LIPE: variants seen among roughly 807,000 people sequenced by gnomAD.
The protein encoded by LIPE is hormone-sensitive lipase.
LIPE carries 66 observed loss-of-function variants against 88.5 expected under a neutral mutation model. The observed-to-expected ratio is 0.75, with a 90% confidence interval of 0.61 to 0.91. The LOEUF is 0.91. Ranked by LOEUF, LIPE falls within the 40% of genes least tolerant of loss-of-function variation. The probability of loss-of-function intolerance (pLI) is 0.00; values close to 1 mark genes in which losing one functional copy is unlikely to be tolerated. For missense variants in LIPE, 1,346 were observed against 1,434.7 expected (o/e 0.94, Z 1.00); for synonymous variants, 570 against 617.5 (o/e 0.92, Z 1.14).
intron 1 of LIPE, among the ~76,000 whole-genome samples, chr19:42,412,087 T>C (rs910674480): frequency 6.6e-6 from 1 of 152,192 alleles, no homozygotes; most frequent in African/African-American, 2.4e-5. Context: ...ATCTCAAAAC[T>C]TGCCCTGGAC....
intron 2 of LIPE, among the ~76,000 whole-genome samples, chr19:42,409,885 G>A (rs960781405): frequency 1.3e-5 from 2 of 152,148 alleles, no homozygotes; most frequent in African/African-American, 4.8e-5. Flanking sequence ...CTGGAGATGT[G>A]GGGTGGGAGG....
intron 8 of LIPE, among the ~76,000 whole-genome samples, chr19:42,403,321 C>T (rs915785590): frequency 4.0e-5 from 6 of 150,388 alleles, no homozygotes; most frequent in African/African-American, 1.5e-4. Flanking sequence ...CAGTTTACCT[C>T]TAGGAACCTA....
Position 42,410,432 on chromosome 19 carries a change from G to C in LIPE, c.1294C>G (p.Leu432Val), listed in dbSNP as rs745520891. 6.2e-7 allele frequency: 1 copy of C among 1,614,188 alleles called. No homozygotes were observed. Among genetic ancestry groups the C allele is most frequent in the Admixed American group, 1.7e-5 (1 of 60,036 alleles). Residue 432 changes from leucine to valine, a missense_variant, in exon 2 of 10, where the codon CTG becomes GTG. By Grantham distance (32) the Leu-to-Val change is conservative (BLOSUM62 1). Coordinates refer to ENST00000244289, the MANE Select transcript of LIPE (RefSeq NM_005357.4). This position sits in a 1 kb window ranked among gnomAD's most constrained non-coding sequence, Gnocchi z 6.1. ...LRALVYYAQR[L>V]LVTNRPGVLF... ...ACCCCCGGCCGATTGGTAACCAGCA[G>C]GCGCTGGGCGTAGTAGACCAGAGCG...
In LIPE at chr19:42,412,518, C is replaced by T. The variant is rs2040404119; in HGVS notation, c.884-1676G>A. Reference sequence around the variant, plus strand: ...TCCCACCCAGAAAGATCAGTGAGGACCACGTGCTGTAAACAGAGTAGAGGG... The same window carrying T: ...TCCCACCCAGAAAGATCAGTGAGGATCACGTGCTGTAAACAGAGTAGAGGG... On this transcript the variant is annotated intron_variant, in intron 1 of 9. Coordinates refer to ENST00000244289, the MANE Select transcript of LIPE (RefSeq NM_005357.4). 4.1e-6 allele frequency: 4 copies of T among 985,842 alleles called. No homozygotes were observed. The African/African-American group carries it at 5.2e-5, about 13-fold the overall frequency. The allele number at this position is 985,842 out of a possible 1,614,324, so 61.1% of individuals were successfully genotyped here.
rs756769984 is a variant in LIPE, at chr19:42,426,306, T to G, written c.844A>C (p.Lys282Gln). The stretch of plus-strand genomic sequence containing the variant: ...TGTCTGTGATTCCGAGCACTGGTTT[T>G]CTCATGTGGCGACGTCCCACTGTAT... ...SGYSGTSPHE[K>Q]TSARNHRHYQ... The change falls in exon 1 of 10, where the codon AAA (lysine) becomes CAA (glutamine). Residue 282 changes from lysine to glutamine, a missense_variant. Lys to Gln is a moderately conservative substitution (Grantham distance 53). Coordinates refer to ENST00000244289, the MANE Select transcript of LIPE (RefSeq NM_005357.4). 19 of 1,606,544 alleles carry G rather than the reference T, an allele frequency of 1.2e-5. No homozygotes were observed. The highest frequency in any genetic ancestry group is 1.6e-5 in the Non-Finnish European group (19 of 1,173,566).
At chr19:42,420,405 C>A (rs1269428998) in intron 1 of LIPE, among the ~76,000 whole-genome samples, 1 of 152,094 alleles carries the variant, frequency 6.6e-6, no homozygotes, top group African/African-American at 2.4e-5. Context: ...TGTTTGTATG[C>A]CTGTGAATGT....
chr19:42,409,266 T>C lies in LIPE; in HGVS notation c.1420-944A>G, dbSNP rs571454832. Among the ~76,000 whole-genome samples the C allele has an allele frequency of 4.6e-5, 7 of 151,988 alleles. No homozygotes were observed. In the South Asian group the frequency reaches 8.3e-4, roughly 18 times the overall value. On this transcript the variant is annotated intron_variant, in intron 2 of 9. Transcript: ENST00000244289. Reference sequence around the variant, plus strand: ...CAGACAGGCAGTTAAGGAAAGACAGTGGGGTCCAGGTGCAGTGGCTCATGC... The same window carrying C: ...CAGACAGGCAGTTAAGGAAAGACAGCGGGGTCCAGGTGCAGTGGCTCATGC...
rs2039984248 is a variant in LIPE at position 42,401,907 on chromosome 19, G to A, written c.3136C>T (p.Arg1046Cys). 7.1e-6 allele frequency: 11 copies of A among 1,549,452 alleles called. No homozygotes were observed. Among genetic ancestry groups the A allele is most frequent in the Non-Finnish European group, 8.7e-6 (10 of 1,153,364 alleles). ...TRQAAELCVE[R>C]IRLVLTPPAG... is the part of the protein sequence containing the mutation. ...GGAGGAGTGAGGACGAGGCGGATGCGCTCCACGCACAGCTCTGCGGCCTGG... is the reference window on the plus strand; with the variant it reads ...GGAGGAGTGAGGACGAGGCGGATGCACTCCACGCACAGCTCTGCGGCCTGG... Residue 1046 changes from arginine to cysteine, a missense_variant, in exon 10 of 10, where the codon CGC (arginine) becomes TGC (cysteine). Transcript: ENST00000244289.
chr19:42,424,112 C>T, intron 1 of LIPE: 1 of 1,191,014 alleles, frequency 8.4e-7, no homozygotes, highest in South Asian at 1.5e-5. Context: ...CCCCGCTTTC[C>T]CTCTCCTGTC....
rs959139693 is a variant in LIPE at position 42,408,441 on chromosome 19, C to T, written c.1420-119G>A. On this transcript the variant is annotated intron_variant, in intron 2 of 9. Coordinates refer to ENST00000244289, the MANE Select transcript of LIPE (RefSeq NM_005357.4). This position sits in a 1 kb window ranked among gnomAD's most constrained non-coding sequence, Gnocchi z 4.3. Reference sequence around the variant, plus strand: ...CATTCAGTAAACGTTTCATGAGCTCCTACTGTGTGCTGGGCATAGCTCTCG... The same window carrying T: ...CATTCAGTAAACGTTTCATGAGCTCTTACTGTGTGCTGGGCATAGCTCTCG... The T allele has an allele frequency of 3.8e-6, 3 of 795,614 alleles. No individual in the cohort carries two copies. Among genetic ancestry groups the T allele is most frequent in the Admixed American group, 1.9e-5 (1 of 52,746 alleles). 49.3% of individuals were successfully genotyped at this position (795,614 alleles called of 1,614,324 possible).
At chr19:42,424,289 C>T (rs1249984086) in intron 1 of LIPE, 3 of 467,720 alleles carry the variant, frequency 6.4e-6, no homozygotes, top group Admixed American at 4.7e-5. Context: ...GTAGAGGGAA[C>T]GACGCATGCT....
chr19:42,423,640 TC>T, intron 1 of LIPE: 1 of 1,169,172 alleles, frequency 8.6e-7, no homozygotes, highest in Non-Finnish European at 1.1e-6. Flanking sequence ...TATTACCCAA[TC>T]CCGAGCTTGC....
chr19:42,406,464 A>C lies in LIPE; in HGVS notation c.2138-76T>G, dbSNP rs371296752. 20 of 1,310,680 alleles carry C rather than the reference A, an allele frequency of 1.5e-5. No individual in the cohort carries two copies. The African/African-American group carries it at 2.2e-4, about 14-fold the overall frequency. 81.2% of individuals were successfully genotyped at this position (1,310,680 alleles called of 1,614,324 possible). ...GGGGAGGAGGGCAGGGAGGAACTCA[A>C]GCTGGGAGAACTGGGCTCTCCAAGG... On this transcript the variant is annotated intron_variant, in intron 6 of 9. Transcript: ENST00000244289. The surrounding 1 kb of genome is among the most constrained non-coding windows in gnomAD (Gnocchi z 5.7).
At chr19:42,419,380 C>G (rs1335635458) in intron 1 of LIPE, among the ~76,000 whole-genome samples, 1 of 152,216 alleles carries the variant, frequency 6.6e-6, no homozygotes, top group Admixed American at 6.5e-5. Flanking sequence ...GACCCAGGCC[C>G]TAGGGACTCC....
intron 1 of LIPE, among the ~76,000 whole-genome samples, chr19:42,415,852 A>G (rs994381561): frequency 6.6e-6 from 1 of 151,500 alleles, no homozygotes; most frequent in African/African-American, 2.4e-5. Context: ...GTGGATATGG[A>G]GAAAGTCTGA....
In LIPE at chr19:42,427,212, C is replaced by G; in HGVS notation, c.-63G>C. The G allele has an allele frequency of 6.6e-7, 1 of 1,507,648 alleles. No individual in the cohort carries two copies. The highest frequency in any genetic ancestry group is 2.3e-5 in the East Asian group (1 of 43,618). 93.4% of individuals were successfully genotyped at this position (1,507,648 alleles called of 1,614,324 possible). A position where few individuals can be genotyped will look rare whatever the true frequency, so the allele number is the denominator to read the frequency against. The stretch of plus-strand genomic sequence containing the variant: ...TCTATCCTTCTGGGCTCCCACCCAG[C>G]CCTCTCTCTTCACAGATCTCTCATT... On this transcript the variant is annotated 5_prime_UTR_variant, in exon 1 of 10. Coordinates refer to ENST00000244289, the MANE Select transcript of LIPE (RefSeq NM_005357.4).
At chr19:42,404,237 ATT>A (rs752058205) in intron 8 of LIPE, among the ~76,000 whole-genome samples, 4 of 98,400 alleles carry the variant, frequency 4.1e-5, no homozygotes, top group Non-Finnish European at 6.5e-5. Context: ...TACTTTTTGT[ATT>A]TTTTTTTTTT....
At chr19:42,423,226 C>A (rs565216946) in intron 1 of LIPE, 1 of 331,942 alleles carries the variant, frequency 3.0e-6, no homozygotes, top group South Asian at 2.2e-5. Flanking sequence ...AGTCCCTGTG[C>A]CAGGGTGGGC....
chr19:42,407,961 G>A lies in LIPE; in HGVS notation c.1656+15C>T. 1.2e-6 allele frequency: 2 copies of A among 1,609,532 alleles called. No homozygotes were observed. Among genetic ancestry groups the A allele is most frequent in the Non-Finnish European group, 1.7e-6 (2 of 1,178,710 alleles). On this transcript the variant is annotated intron_variant, in intron 4 of 9. Transcript: ENST00000244289. This position sits in a 1 kb window ranked among gnomAD's most constrained non-coding sequence, Gnocchi z 5.8. ...TCTCTGGGCCTCAGTGTCCCCATCT[G>A]CAACAGGCCCTCACCGATAGCACTT...
Sources: allele counts gnomAD v4.1 joint callset (sites outside exome capture counted in the v4.1 genomes callset), GRCh38; gene constraint gnomAD v4.1.1; non-coding constraint Gnocchi (gnomAD v3.1); transcripts MANE v1.5; gene names NCBI Gene and HGNC (gene_info 2026-07-23, HGNC 2026-07-21).